The following TRIM67 variants were observed in gnomAD, a reference collection of about 807,000 sequenced individuals.
The protein encoded by TRIM67 is tripartite motif containing 67.
Under a neutral mutation model 71.0 loss-of-function variants are expected in TRIM67, and 39 were observed. The ratio of observed to expected loss-of-function variants is 0.55; its 90% CI spans 0.43 to 0.72. TRIM67 has a LOEUF of 0.72. Among genes scored for constraint, TRIM67 ranks in the 30% least tolerant of loss-of-function variants. TRIM67 has a pLI of 0.00. For missense variants in TRIM67, 973 were observed against 1,079.2 expected (o/e 0.90, Z 1.38); for synonymous variants, 481 against 473.9 (o/e 1.01, Z -0.19).
At position 231,162,914 on chromosome 1, in the gene TRIM67, C is replaced by G. The variant is rs1682327505; in HGVS notation, c.-56C>G. 1.9e-6 allele frequency: 3 copies of G among 1,572,996 alleles called. No homozygotes were observed. The highest frequency in any genetic ancestry group is 2.7e-5 in the African/African-American group (2 of 74,076). On this transcript the variant is annotated 5_prime_UTR_variant, in exon 1 of 10. Coordinates refer to ENST00000366653, the MANE Select transcript of TRIM67 (RefSeq NM_001004342.5). Reference sequence around the variant, plus strand: ...CGCGCTGGTCCTCCTCCGCCAGTCTCCCGAGCTCCGGCCATTCATCCCCAG... The same window carrying G: ...CGCGCTGGTCCTCCTCCGCCAGTCTGCCGAGCTCCGGCCATTCATCCCCAG...
Position 231,218,230 on chromosome 1 carries a change from A to G in TRIM67, c.*2790A>G. On this transcript the variant is annotated 3_prime_UTR_variant, in exon 10 of 10. Coordinates refer to ENST00000366653, the MANE Select transcript of TRIM67 (RefSeq NM_001004342.5). ...ACAGGTCATGGAATTCTCATCCACC[A>G]TCGAATTCCATAACACGTTACATCA... The G allele has an allele frequency of 9.9e-7, 1 of 1,010,224 alleles. No individual in the cohort carries two copies. The highest frequency in any genetic ancestry group is 1.2e-6 in the Non-Finnish European group (1 of 844,478). The allele number at this position is 1,010,224 out of a possible 1,614,324, so 62.6% of individuals were successfully genotyped here. A position where few individuals can be genotyped will look rare whatever the true frequency, so the allele number is the denominator to read the frequency against.
intron 2 of TRIM67, 105 bp downstream of exon 2, chr1:231,197,571 A>G: frequency 3.9e-6 from 4 of 1,030,474 alleles, no homozygotes; most frequent in Non-Finnish European, 5.8e-6. Context: ...CACACCTGTA[A>G]TCCCAACACT....
In TRIM67 at chr1:231,203,910, T is replaced by C. The variant is rs1380718548; in HGVS notation, c.1578T>C (p.Arg526=). Reference sequence around the variant, plus strand: ...TGCAGCTGGAGAAATGCTGCACCCGTAACAACAGCGTCACGCTGGCCTGGA... The same window carrying C: ...TGCAGCTGGAGAAATGCTGCACCCGCAACAACAGCGTCACGCTGGCCTGGA... ...PLLQLEKCCT[R]NNSVTLAWRM... The change falls in exon 6 of 10, where the codon CGT becomes CGC. Residue 526 remains arginine (R), a synonymous_variant. Transcript: ENST00000366653. The C allele has an allele frequency of 1.9e-6, 3 of 1,613,912 alleles. No homozygotes were observed. Among genetic ancestry groups the C allele is most frequent in the South Asian group, 2.2e-5 (2 of 91,072 alleles).
At position 231,215,979 on chromosome 1, in the gene TRIM67, C is replaced by G; in HGVS notation, c.*539C>G. 1 of 986,054 alleles carries G rather than the reference C, an allele frequency of 1.0e-6. No individual in the cohort carries two copies. The highest frequency in any genetic ancestry group is 1.2e-6 in the Non-Finnish European group (1 of 830,384). 61.1% of individuals were successfully genotyped at this position (986,054 alleles called of 1,614,324 possible). A position where few individuals can be genotyped will look rare whatever the true frequency, so the allele number is the denominator to read the frequency against. On this transcript the variant is annotated 3_prime_UTR_variant, in exon 10 of 10. Transcript: ENST00000366653. ...GTCCTAGAGTCTTTAGTAGCACCTG[C>G]CACTTGCAGACCCAATGCAGGATTG...
chr1:231,197,334 A>G (rs763295690), intron 1 of TRIM67, 37 bp from the exon 2 acceptor site: 4 of 1,595,568 alleles, frequency 2.5e-6, no homozygotes, highest in Non-Finnish European at 1.7e-6. Context: ...GCCTTTCACA[A>G]CTAATTTTTC....
Position 231,203,925 on chromosome 1 carries a change from G to C in TRIM67, c.1593G>C (p.Thr531=), listed in dbSNP as rs371749809. 7.4e-6 allele frequency: 12 copies of C among 1,613,956 alleles called. No individual in the cohort carries two copies. The highest frequency in any genetic ancestry group is 1.0e-5 in the Non-Finnish European group (12 of 1,179,874). Residue 531 remains threonine (T), a synonymous_variant, in exon 6 of 10, where the codon ACG becomes ACC. Coordinates refer to ENST00000366653, the MANE Select transcript of TRIM67 (RefSeq NM_001004342.5). ...EKCCTRNNSV[T]LAWRMPPFTH... The stretch of plus-strand genomic sequence containing the variant: ...GCTGCACCCGTAACAACAGCGTCAC[G>C]CTGGCCTGGAGGATGCCACCCTTCA...
At chr1:231,169,368 CTTTTTTTTT>C (rs775082418) in intron 1 of TRIM67, among the ~76,000 whole-genome samples, 1 of 81,660 alleles carries the variant, frequency 1.2e-5, no homozygotes, top group South Asian at 5.3e-4. Flanking sequence ...ATTCTTTTCT[CTTTTTTTTT>C]TTTTTTTTTT....
rs1003234304 is a variant in TRIM67 at position 231,202,294 on chromosome 1, AGTG to A, written c.1534+790_1534+792del. Among the ~76,000 whole-genome samples the A allele has an allele frequency of 2.2e-3, 190 of 85,024 alleles. 1 individual carries two copies. Among genetic ancestry groups the A allele is most frequent in the Non-Finnish European group, 2.9e-3 (110 of 38,262 alleles). 55.8% of individuals were successfully genotyped at this position (85,024 alleles called of 152,430 possible). ...CGGAGGAGGAGGAGGTGGAGGCAGTAGTGGTGGTGGTGGTGCAGGAGGAGGAGG... is the reference window on the plus strand; with the variant it reads ...CGGAGGAGGAGGAGGTGGAGGCAGTAGTGGTGGTGGTGCAGGAGGAGGAGG... On this transcript the variant is annotated intron_variant, in intron 5 of 9. Coordinates refer to ENST00000366653, the MANE Select transcript of TRIM67 (RefSeq NM_001004342.5).
chr1:231,184,538 G>T (rs1412331646), intron 1 of TRIM67: 1 of 157,844 alleles, frequency 6.3e-6, no homozygotes, highest in South Asian at 1.9e-4. Context: ...GCTCTCTCAG[G>T]GTTCACACAG....
intron 9 of TRIM67, among the ~76,000 whole-genome samples, chr1:231,214,508 G>C (rs1432186201): frequency 6.6e-6 from 1 of 152,146 alleles, no homozygotes; most frequent in African/African-American, 2.4e-5. Flanking sequence ...CGGGCGCGGT[G>C]GCTTACGCCT....
At chr1:231,189,386 A>T (rs768181676) in intron 1 of TRIM67, among the ~76,000 whole-genome samples, 12 of 152,286 alleles carry the variant, frequency 7.9e-5, no homozygotes, top group Non-Finnish European at 1.6e-4. Flanking sequence ...GAAGTTAAGC[A>T]TCTTGAGATG....
chr1:231,185,969 A>G (rs1683062709), intron 1 of TRIM67: 4 of 880,884 alleles, frequency 4.5e-6, no homozygotes, highest in Non-Finnish European at 1.8e-6. Context: ...ACAAGGGCTC[A>G]TAACTAGAGG....
intron 1 of TRIM67, among the ~76,000 whole-genome samples, chr1:231,195,152 T>G (rs771017946): frequency 5.7e-4 from 87 of 152,198 alleles, no homozygotes; most frequent in Non-Finnish European, 9.4e-4. Context: ...ATGTAAGCCA[T>G]GAATCACGAG....
rs561791047 is a variant in TRIM67 at position 231,209,803 on chromosome 1, G to A, written c.2123+553G>A. 6.6e-6 allele frequency among the ~76,000 whole-genome samples: 1 copy of A among 152,298 alleles called. No individual in the cohort carries two copies. Among genetic ancestry groups the A allele is most frequent in the South Asian group, 2.1e-4 (1 of 4,830 alleles). On this transcript the variant is annotated intron_variant, in intron 8 of 9. Coordinates refer to ENST00000366653, the MANE Select transcript of TRIM67 (RefSeq NM_001004342.5). This position sits in a 1 kb window ranked among gnomAD's most constrained non-coding sequence, Gnocchi z 4.1. Reference sequence around the variant, plus strand: ...AACGAGCCTGCCAAGGGTGCCCACAGCTGTGGCTTTGCCCTGAGACTGGCC... The same window carrying A: ...AACGAGCCTGCCAAGGGTGCCCACAACTGTGGCTTTGCCCTGAGACTGGCC...
Position 231,218,940 on chromosome 1 carries a change from G to T in TRIM67, c.*3500G>T. The T allele has an allele frequency of 3.0e-6, 3 of 985,482 alleles. No individual in the cohort carries two copies. Among genetic ancestry groups the T allele is most frequent in the Non-Finnish European group, 3.6e-6 (3 of 829,946 alleles). The allele number at this position is 985,482 out of a possible 1,614,324, so 61.0% of individuals were successfully genotyped here. ...GAAAGGATCAGAATGCAGGATCTTT[G>T]TGTATTTCTTCCAGGGATATTTGCA... On this transcript the variant is annotated 3_prime_UTR_variant, in exon 10 of 10. Transcript: ENST00000366653.
intron 1 of TRIM67, among the ~76,000 whole-genome samples, chr1:231,193,761 T>G (rs1229707046): frequency 2.0e-5 from 3 of 151,888 alleles, no homozygotes; most frequent in Non-Finnish European, 2.9e-5. Flanking sequence ...GGAGCAGGCA[T>G]CACATGGCAA....
At chr1:231,214,920 A>G (rs1471988616) in intron 9 of TRIM67, among the ~76,000 whole-genome samples, 1 of 152,222 alleles carries the variant, frequency 6.6e-6, no homozygotes, top group East Asian at 1.9e-4. Flanking sequence ...GGGAATGAAC[A>G]AGACACCATC....
chr1:231,184,993 TGGC>T (rs1683023098), intron 1 of TRIM67: 1 of 1,530,546 alleles, frequency 6.5e-7, no homozygotes, highest in African/African-American at 1.4e-5. Flanking sequence ...CCTGAATGGG[TGGC>T]CGGCAGGTTG....
intron 5 of TRIM67, among the ~76,000 whole-genome samples, chr1:231,203,355 G>T (rs967499467): frequency 5.9e-5 from 9 of 152,332 alleles, no homozygotes; most frequent in South Asian, 2.1e-4. Context: ...CCTTGTAAAT[G>T]CTTCCAGCCA....
Sources: gnomAD v4.1 joint callset for allele counts (sites outside exome capture counted in the v4.1 genomes callset) on GRCh38, gnomAD v4.1.1 for gene constraint, Gnocchi (gnomAD v3.1) non-coding constraint, MANE v1.5 for transcripts, NCBI Gene and HGNC (gene_info 2026-07-23, HGNC 2026-07-21) for gene names.